Variants in XPO4 observed in about 807,000 individuals in gnomAD.
The protein encoded by XPO4 is exportin 4, also known as exportin-4.
XPO4 carries 39 observed loss-of-function variants against 143.0 expected under a neutral mutation model. The observed-to-expected ratio is 0.27, with a 90% CI of 0.21 to 0.36. The LOEUF is 0.36. Among genes scored for constraint, XPO4 ranks in the 10% least tolerant of loss-of-function variants. The pLI is 1.00. For missense variants in XPO4, 907 were observed against 1,348.0 expected (o/e 0.67, Z 5.12); for synonymous variants, 439 against 474.0 (o/e 0.93, Z 0.96).
chr13:20,845,468 C>A (rs2060021106), intron 4 of XPO4, among the ~76,000 whole-genome samples: 1 of 152,172 alleles, frequency 6.6e-6, no homozygotes, highest in South Asian at 2.1e-4. Context: ...AATGTCCCTT[C>A]CTCCCAAAAT....
chr13:20,872,351 G>A (rs545442292), intron 1 of XPO4, among the ~76,000 whole-genome samples: 5 of 152,220 alleles, frequency 3.3e-5, no homozygotes, highest in African/African-American at 1.2e-4. Flanking sequence ...CACGTTGCTT[G>A]TCCATCTCTA....
intron 2 of XPO4, chr13:20,865,343 G>A (rs112862684): frequency 0.17 from 59,436 of 356,418 alleles, 5,197 homozygotes; most frequent in Middle Eastern, 0.23. Flanking sequence ...TTCCATGTTG[G>A]TCAGGTTGGT....
rs1410268013 is a variant in XPO4 at position 20,862,654 on chromosome 13, G to T, written c.317+63C>A. 8 of 1,591,358 alleles carry T rather than the reference G, an allele frequency of 5.0e-6. No individual in the cohort carries two copies. The South Asian group carries it at 6.7e-5, about 13-fold the overall frequency. On this transcript the variant is annotated intron_variant, in intron 3 of 22. Coordinates refer to ENST00000255305, the MANE Select transcript of XPO4 (RefSeq NM_022459.5). ...AGTTTTTAAAATGCAAACAAAAAAA[G>T]CTCTAAAAAGATACACATAAGCTCA...
Position 20,821,784 on chromosome 13 carries a change from T to G in XPO4, c.1093A>C (p.Ser365Arg). ...TTAACAAAGGAGGAGAAAAGTTCACTTGGAATGGCAGTTAAAACATTTCGT... is the reference window on the plus strand; with the variant it reads ...TTAACAAAGGAGGAGAAAAGTTCACGTGGAATGGCAGTTAAAACATTTCGT... ...FPRNVLTAIP[S>R]ELFSSFVNCL... Residue 365 changes from serine to arginine, a missense_variant, in exon 9 of 23, where the codon AGT becomes CGT. Ser to Arg is a moderately radical substitution (Grantham distance 110). Transcript: ENST00000255305. The G allele has an allele frequency of 6.2e-7, 1 of 1,614,116 alleles. No homozygotes were observed. Among genetic ancestry groups the G allele is most frequent in the Middle Eastern group, 1.7e-4 (1 of 6,058 alleles).
At chr13:20,808,874 C>T (rs2059540591) in intron 11 of XPO4, among the ~76,000 whole-genome samples, 1 of 152,170 alleles carries the variant, frequency 6.6e-6, no homozygotes, top group African/African-American at 2.4e-5. Context: ...ACCATGTTTT[C>T]CATAATCTCT....
intron 4 of XPO4, chr13:20,852,467 T>C (rs1303758182): frequency 2.0e-6 from 2 of 985,260 alleles, no homozygotes; most frequent in Non-Finnish European, 2.4e-6. Flanking sequence ...CACATGGCCA[T>C]TAGTTTGGAA....
chr13:20,869,511 C>A, intron 1 of XPO4: 1 of 966,236 alleles, frequency 1.0e-6, no homozygotes, highest in Non-Finnish European at 1.2e-6. Flanking sequence ...TTATTCAAAC[C>A]ATTGAATAAA....
intron 17 of XPO4, among the ~76,000 whole-genome samples, chr13:20,796,538 AT>A (rs1161050144): frequency 6.6e-6 from 1 of 152,026 alleles, no homozygotes; most frequent in Non-Finnish European, 1.5e-5. Flanking sequence ...CGTTCTGTAT[AT>A]GTATCCTGTT....
At chr13:20,804,066 T>A (rs2137864110) in intron 13 of XPO4, among the ~76,000 whole-genome samples, 1 of 152,038 alleles carries the variant, frequency 6.6e-6, no homozygotes, top group African/African-American at 2.4e-5. Flanking sequence ...AAAGTAATCC[T>A]TTATCACAAA....
At chr13:20,841,946 T>C (rs1467057951) in intron 6 of XPO4, among the ~76,000 whole-genome samples, 1 of 152,004 alleles carries the variant, frequency 6.6e-6, no homozygotes. Flanking sequence ...AAATTTCCTA[T>C]ACCACACAGA....
At chr13:20,836,239 CCT>C (rs1181773783) in intron 6 of XPO4, among the ~76,000 whole-genome samples, 7 of 152,156 alleles carry the variant, frequency 4.6e-5, no homozygotes, top group African/African-American at 9.7e-5. Flanking sequence ...GGCTTTTGCC[CCT>C]GTCATTCACA....
chr13:20,894,277 C>A (rs1422770012), intron 1 of XPO4, among the ~76,000 whole-genome samples: 1 of 152,154 alleles, frequency 6.6e-6, no homozygotes, highest in Admixed American at 6.6e-5. Flanking sequence ...AAGAGTGAAT[C>A]CCTATCTCTT....
In XPO4 at chr13:20,830,428, A is replaced by G. The variant is rs139654512; in HGVS notation, c.728-3249T>C. On this transcript the variant is annotated intron_variant, in intron 6 of 22. Coordinates refer to ENST00000255305, the MANE Select transcript of XPO4 (RefSeq NM_022459.5). Reference sequence around the variant, plus strand: ...TGCAAAGAGGCTACACTTACCTTCCACTGAAAAACTAATCTACAACACTGC... The same window carrying G: ...TGCAAAGAGGCTACACTTACCTTCCGCTGAAAAACTAATCTACAACACTGC... Among the ~76,000 whole-genome samples the G allele has an allele frequency of 9.2e-5, 14 of 152,282 alleles. No individual in the cohort carries two copies. The East Asian group carries it at 2.7e-3, about 29-fold the overall frequency.
At chr13:20,793,222 TG>T (rs2059310078) in intron 18 of XPO4, among the ~76,000 whole-genome samples, 1 of 152,242 alleles carries the variant, frequency 6.6e-6, no homozygotes, top group South Asian at 2.1e-4. Context: ...TCCATTTGCC[TG>T]ATGTGCCAAA....
intron 1 of XPO4, chr13:20,879,112 T>C (rs773579780): frequency 8.9e-5 from 88 of 985,276 alleles, no homozygotes; most frequent in Non-Finnish European, 1.1e-4. Context: ...CCTGGAGACA[T>C]GTGCCAACCT....
intron 13 of XPO4, among the ~76,000 whole-genome samples, chr13:20,802,100 G>A (rs904248817): frequency 1.2e-4 from 18 of 151,992 alleles, no homozygotes; most frequent in African/African-American, 4.3e-4. Context: ...CTGTCACCCA[G>A]GCTGCAGTAT....
chr13:20,779,539 A>G lies in XPO4; in HGVS notation c.*4183T>C, dbSNP rs1371256857. 6.6e-6 allele frequency: 1 copy of G among 152,474 alleles called. No homozygotes were observed. Among genetic ancestry groups the G allele is most frequent in the East Asian group, 1.9e-4 (1 of 5,196 alleles). The allele number at this position is 152,474 out of a possible 1,614,324, so 9.4% of individuals were successfully genotyped here. On this transcript the variant is annotated 3_prime_UTR_variant, in exon 23 of 23. Transcript: ENST00000255305. ...TGGGAGGGCCTGGGAATAGGTGAAG[A>G]TCAAACCACAGTGGGAGAGGAGGGT...
Position 20,808,491 on chromosome 13 carries a change from G to A in XPO4, c.1584C>T (p.Asp528=). 6.4e-7 allele frequency: 1 copy of A among 1,572,380 alleles called. No homozygotes were observed. Residue 528 remains aspartate, a synonymous_variant, in exon 12 of 23, where the codon GAC becomes GAT. Transcript: ENST00000255305. Reference sequence around the variant, plus strand: ...CATAGAGATCATCAAGCATTTTGTTGTCAACAGTGCTTGAACCCGGTGAAG... The same window carrying A: ...CATAGAGATCATCAAGCATTTTGTTATCAACAGTGCTTGAACCCGGTGAAG... ...LLASPGSSTV[D]NKMLDDLYED...
chr13:20,870,388 C>T (rs906348305), intron 1 of XPO4, among the ~76,000 whole-genome samples: 1 of 151,780 alleles, frequency 6.6e-6, no homozygotes, highest in African/African-American at 2.4e-5. Context: ...GCTGAGATCC[C>T]GCTGCTGCAC....
Sources: gnomAD v4.1 joint callset for allele counts (sites outside exome capture counted in the v4.1 genomes callset) on GRCh38, gnomAD v4.1.1 for gene constraint, MANE v1.5 for transcripts, NCBI Gene and HGNC (gene_info 2026-07-23, HGNC 2026-07-21) for gene names.